Variants in SPAG9 observed in about 807,000 individuals in gnomAD.
The protein encoded by SPAG9 is sperm associated antigen 9, also known as C-Jun-amino-terminal kinase-interacting protein 4.
SPAG9 carries 35 observed loss-of-function variants against 166.5 expected under a neutral mutation model. The ratio of observed to expected loss-of-function variants is 0.21; its 90% CI spans 0.16 to 0.28. The LOEUF is 0.28. SPAG9 is among the 10% of genes least tolerant of loss of function. The pLI is 1.00. For missense variants in SPAG9, 1,235 were observed against 1,603.3 expected, an observed-to-expected ratio of 0.77 and a Z score of 3.92; for synonymous variants, 534 against 565.5, an observed-to-expected ratio of 0.94 and a Z score of 0.79.
chr17:51,016,064 A>C (rs1170627383), intron 8 of SPAG9, among the ~76,000 whole-genome samples: 2 of 152,160 alleles, frequency 1.3e-5, no homozygotes, highest in Non-Finnish European at 2.9e-5. Context: ...TCAAATAACA[A>C]CACCCTGAAC....
intron 2 of SPAG9, among the ~76,000 whole-genome samples, chr17:51,066,742 A>C (rs2144575304): frequency 6.6e-6 from 1 of 151,606 alleles, no homozygotes; most frequent in African/African-American, 2.4e-5. Context: ...AATACAAAAA[A>C]TTAGCCAGGC....
intron 5 of SPAG9, among the ~76,000 whole-genome samples, chr17:51,032,848 C>T (rs934412720): frequency 3.9e-5 from 6 of 151,958 alleles, no homozygotes; most frequent in African/African-American, 1.2e-4. Context: ...GCAGGAGAAT[C>T]GCTTGAACCC....
intron 14 of SPAG9, 26 bp downstream of exon 14, chr17:50,999,634 CT>C: frequency 6.3e-7 from 1 of 1,591,726 alleles, no homozygotes; most frequent in Non-Finnish European, 8.6e-7. Context: ...CATGTGCTGT[CT>C]AACATCTTTG....
chr17:50,978,811 GT>G (rs1374967744), intron 26 of SPAG9, among the ~76,000 whole-genome samples: 2 of 152,142 alleles, frequency 1.3e-5, no homozygotes, highest in African/African-American at 4.8e-5. Context: ...TTGAGAACAT[GT>G]AAGGTCTCCT....
intron 21 of SPAG9, among the ~76,000 whole-genome samples, chr17:50,989,066 C>T (rs1975312026): frequency 6.6e-6 from 1 of 151,816 alleles, no homozygotes; most frequent in African/African-American, 2.4e-5. Context: ...AAAAACAGAT[C>T]AGAGGAGAAA....
At chr17:51,041,169 G>C (rs1439954443) in intron 5 of SPAG9, among the ~76,000 whole-genome samples, 1 of 152,038 alleles carries the variant, frequency 6.6e-6, no homozygotes, top group Non-Finnish European at 1.5e-5. Context: ...AGACTTTCTG[G>C]TAATAGCGAT....
chr17:51,095,980 T>G (rs1334457116), intron 1 of SPAG9, among the ~76,000 whole-genome samples: 1 of 126,590 alleles, frequency 7.9e-6, no homozygotes, highest in Non-Finnish European at 1.7e-5. Context: ...TAGTGATATA[T>G]ATATATATAG....
At chr17:51,020,737 A>G (rs1010842448) in intron 7 of SPAG9, among the ~76,000 whole-genome samples, 2 of 152,224 alleles carry the variant, frequency 1.3e-5, no homozygotes, top group South Asian at 2.1e-4. Flanking sequence ...CTCAGTATCC[A>G]TGGGGGATTG....
intron 4 of SPAG9, 24 bp from the exon 5 acceptor site, chr17:51,041,675 T>A (rs1254396346): frequency 1.2e-6 from 2 of 1,609,280 alleles, no homozygotes; most frequent in Admixed American, 1.7e-5. Flanking sequence ...GGAGAAAAAA[T>A]TCGGCATTCA....
At chr17:51,109,299 C>T (rs1299698176) in intron 1 of SPAG9, among the ~76,000 whole-genome samples, 4 of 151,214 alleles carry the variant, frequency 2.6e-5, no homozygotes, top group South Asian at 2.1e-4. Context: ...TGCCGTGGCA[C>T]GATCTCAGCT....
rs192032007 is a variant in SPAG9, at chr17:51,092,124, A to G, written c.304-12420T>C. 3.0e-4 allele frequency among the ~76,000 whole-genome samples: 46 copies of G among 152,256 alleles called. 1 individual carries two copies. In the East Asian group the frequency reaches 8.9e-3, roughly 29 times the overall value. On this transcript the variant is annotated intron_variant, in intron 1 of 29. Transcript: ENST00000262013. ...TTGTCTAAAAAATAGTATCAAATAA[A>G]GGGCTGGCTTATTAAGTGTCCATCA...
intron 2 of SPAG9, among the ~76,000 whole-genome samples, chr17:51,063,953 T>A (rs1384248231): frequency 6.6e-6 from 1 of 152,098 alleles, no homozygotes; most frequent in African/African-American, 2.4e-5. Context: ...TTTAAAAAAA[T>A]AAAATAAAAG....
At chr17:51,010,576 A>ATATAT (rs1382405226) in intron 9 of SPAG9, among the ~76,000 whole-genome samples, 1 of 139,914 alleles carries the variant, frequency 7.1e-6, no homozygotes, top group African/African-American at 2.8e-5. Flanking sequence ...AAGAAAAAAA[A>ATATAT]AAAAAAATAT....
chr17:51,098,391 C>A (rs1029913801), intron 1 of SPAG9, among the ~76,000 whole-genome samples: 7 of 145,694 alleles, frequency 4.8e-5, no homozygotes, highest in African/African-American at 1.8e-4. Flanking sequence ...GTTATAATCA[C>A]AAACACCCTG....
chr17:50,978,443 C>G (rs1193860420), intron 26 of SPAG9, among the ~76,000 whole-genome samples: 1 of 152,138 alleles, frequency 6.6e-6, no homozygotes, highest in African/African-American at 2.4e-5. Context: ...TGAAAGGAAT[C>G]CTTTATGACA....
chr17:51,086,791 A>C (rs1168778886), intron 1 of SPAG9, among the ~76,000 whole-genome samples: 1 of 152,138 alleles, frequency 6.6e-6, no homozygotes, highest in African/African-American at 2.4e-5. Context: ...GCGTGGTGGC[A>C]GGTGTGTGTA....
chr17:51,085,138 G>A (rs565407311), intron 1 of SPAG9, among the ~76,000 whole-genome samples: 100 of 152,244 alleles, frequency 6.6e-4, no homozygotes, highest in African/African-American at 2.3e-3. Flanking sequence ...GTAAGCCACC[G>A]CACCCAGCCC....
chr17:51,022,122 C>CAAAAA (rs747116014), intron 6 of SPAG9, among the ~76,000 whole-genome samples: 2 of 48,454 alleles, frequency 4.1e-5, no homozygotes, highest in African/African-American at 6.7e-5. Flanking sequence ...GACTCCATCT[C>CAAAAA]AAAAAAAAAA....
chr17:50,991,870 C>T (rs1975579602), intron 19 of SPAG9, among the ~76,000 whole-genome samples: 1 of 151,246 alleles, frequency 6.6e-6, no homozygotes, highest in Non-Finnish European at 1.5e-5. Flanking sequence ...GTGATCCGCC[C>T]ACCTCAGCCT....
Sources: allele counts gnomAD v4.1 joint callset (sites outside exome capture counted in the v4.1 genomes callset), GRCh38; gene constraint gnomAD v4.1.1; transcripts MANE v1.5; gene names NCBI Gene and HGNC (gene_info 2026-07-23, HGNC 2026-07-21).